The following ZNF704 variants were observed in gnomAD, a reference collection of about 807,000 sequenced individuals.
ZNF704 encodes the protein glucocorticoid induced gene 1.
A neutral mutation model predicts 44.7 loss-of-function variants in ZNF704; 10 were observed. The ratio of observed to expected loss-of-function variants is 0.22; its 90% confidence interval spans 0.14 to 0.38. ZNF704 has a LOEUF of 0.38. Ranked by LOEUF, ZNF704 falls within the 10% of genes least tolerant of loss-of-function variation. The pLI is 1.00. For synonymous variants in ZNF704, 211 were observed against 207.6 expected (o/e 1.02, Z -0.14); for missense variants, 390 against 545.5 (o/e 0.71, Z 2.84).
chr8:80,718,010 C>T (rs903756528), intron 2 of ZNF704, among the ~76,000 whole-genome samples: 3 of 152,188 alleles, frequency 2.0e-5, no homozygotes, highest in African/African-American at 7.2e-5. Context: ...AACGAATTCT[C>T]AAATGAACCC....
At chr8:80,712,185 C>T (rs1271728121) in intron 2 of ZNF704, among the ~76,000 whole-genome samples, 2 of 152,142 alleles carry the variant, frequency 1.3e-5, no homozygotes, top group Non-Finnish European at 2.9e-5. Flanking sequence ...AGGAAAAGGA[C>T]GAGTTTGGCC....
intron 2 of ZNF704, among the ~76,000 whole-genome samples, chr8:80,802,518 T>C (rs1259523029): frequency 1.3e-5 from 2 of 152,210 alleles, no homozygotes; most frequent in Non-Finnish European, 2.9e-5. Flanking sequence ...ATCTGCAGGA[T>C]GCAAGGTCGG....
At position 80,705,181 on chromosome 8, in the gene ZNF704, G is replaced by C. The variant is rs563157270; in HGVS notation, c.222-12074C>G. ...AGCGTTTACCCCTGAATTCTCAAGA[G>C]CTCCCTTCTGGGACTGCCACTGAGG... On this transcript the variant is annotated intron_variant, in intron 2 of 8. Coordinates refer to ENST00000327835, the MANE Select transcript of ZNF704 (RefSeq NM_001033723.3). Among the ~76,000 whole-genome samples, 13 of 152,286 alleles carry C rather than the reference G, an allele frequency of 8.5e-5. No homozygotes were observed. In the South Asian group the frequency reaches 2.7e-3, roughly 32 times the overall value.
rs144659656 is a variant in ZNF704, at chr8:80,647,028, T to C, written c.1033-3899A>G. 4.7e-3 allele frequency among the ~76,000 whole-genome samples: 719 copies of C among 152,328 alleles called. 7 individuals are homozygous for C. Among genetic ancestry groups the C allele is most frequent in the African/African-American group, 0.016 (670 of 41,562 alleles). ...TTTTGCATGAAGTGATATGAGATTA[T>C]TGGATACTCTTCATTCAACAGATAT... is the stretch of plus-strand genomic sequence containing the variant. On this transcript the variant is annotated intron_variant, in intron 7 of 8. Transcript: ENST00000327835.
intron 8 of ZNF704, among the ~76,000 whole-genome samples, chr8:80,642,415 A>C (rs1470927246): frequency 1.3e-5 from 2 of 152,242 alleles, no homozygotes; most frequent in Non-Finnish European, 2.9e-5. Flanking sequence ...ACACAAGTAC[A>C]GTTCGTTACA....
rs11992841 is a variant in ZNF704 at position 80,865,513 on chromosome 8, A to G, written c.-22+9058T>C. 3.8e-3 allele frequency among the ~76,000 whole-genome samples: 584 copies of G among 152,308 alleles called. 3 individuals carry two copies. Among genetic ancestry groups the G allele is most frequent in the African/African-American group, 0.013 (549 of 41,574 alleles). On this transcript the variant is annotated intron_variant, in intron 1 of 8. Coordinates refer to ENST00000327835, the MANE Select transcript of ZNF704 (RefSeq NM_001033723.3). ...ACAATGAGGGTCACATTTATGAACT[A>G]AAATTATCCTTTCTGCAGGTTTTAT...
Position 80,687,436 on chromosome 8 carries a change from C to A in ZNF704, c.348G>T (p.Lys116Asn). ...TGCTGGAAGGCACGCAGCCGCCCTC[C>A]TTCCAGGATCCGCTGAGGCTCTCTG... Reference protein sequence around the residue: ...RPNESLSGSWKEGGCVPSSTS... With the variant: ...RPNESLSGSWNEGGCVPSSTS... The change falls in exon 4 of 9, where the codon AAG becomes AAT. Residue 116 changes from lysine to asparagine, a missense_variant. Transcript: ENST00000327835. 1.3e-6 allele frequency: 2 copies of A among 1,580,662 alleles called. No individual in the cohort carries two copies. The highest frequency in any genetic ancestry group is 4.6e-5 in the East Asian group (2 of 43,690).
intron 4 of ZNF704, among the ~76,000 whole-genome samples, chr8:80,686,902 G>C (rs55878003): frequency 0.075 from 11,433 of 152,182 alleles, 614 homozygotes; most frequent in Non-Finnish European, 0.1. Flanking sequence ...CCCACGAAGA[G>C]AGCGAGTTCA....
intron 1 of ZNF704, among the ~76,000 whole-genome samples, chr8:80,824,529 A>G (rs1236314744): frequency 6.6e-6 from 1 of 152,252 alleles, no homozygotes; most frequent in African/African-American, 2.4e-5. Flanking sequence ...AACTTCCCCA[A>G]CCTAGCAAGG....
chr8:80,830,194 G>A (rs1808446374), intron 1 of ZNF704, among the ~76,000 whole-genome samples: 1 of 152,198 alleles, frequency 6.6e-6, no homozygotes, highest in Non-Finnish European at 1.5e-5. Context: ...GGTGGCTGGA[G>A]GGGATGATGG....
intron 2 of ZNF704, among the ~76,000 whole-genome samples, chr8:80,764,212 A>G (rs1807188682): frequency 1.3e-5 from 2 of 152,190 alleles, no homozygotes; most frequent in Non-Finnish European, 2.9e-5. Flanking sequence ...ACACTGCTAT[A>G]AAGAATCAGC....
chr8:80,871,962 ACACT>A (rs1362996628), intron 1 of ZNF704, among the ~76,000 whole-genome samples: 16 of 152,350 alleles, frequency 1.1e-4, no homozygotes, highest in African/African-American at 2.9e-4. Flanking sequence ...GTGAATTATC[ACACT>A]CATTATTCTG....
At chr8:80,876,186 C>T (rs77652705), upstream of ZNF704, among the ~76,000 whole-genome samples, 8,127 of 152,204 alleles carry the variant, frequency 0.053, 270 homozygotes, top group Non-Finnish European at 0.075. Context: ...TTTATGTTTC[C>T]GAAACCCCAT....
chr8:80,878,260 G>T (rs887184943), upstream of ZNF704, among the ~76,000 whole-genome samples: 1 of 45,280 alleles, frequency 2.2e-5, no homozygotes, highest in Non-Finnish European at 4.8e-5. Context: ...AAGAAAGGAA[G>T]GAAGGAAGGA....
chr8:80,829,746 A>T (rs916612088), intron 1 of ZNF704, among the ~76,000 whole-genome samples: 1 of 152,234 alleles, frequency 6.6e-6, no homozygotes, highest in African/African-American at 2.4e-5. Flanking sequence ...GCAAGCTATA[A>T]ATCTTCTATA....
chr8:80,861,030 A>T (rs549729589), intron 1 of ZNF704, among the ~76,000 whole-genome samples: 1 of 152,306 alleles, frequency 6.6e-6, no homozygotes, highest in South Asian at 2.1e-4. Context: ...TGTCCATCAA[A>T]TTCACTCAGG....
chr8:80,813,755 T>TGA (rs1808129729), intron 2 of ZNF704, among the ~76,000 whole-genome samples: 1 of 151,994 alleles, frequency 6.6e-6, no homozygotes, highest in Non-Finnish European at 1.5e-5. Flanking sequence ...GGTGGGCGCC[T>TGA]GTAGTCCCAG....
At chr8:80,742,686 AC>A (rs1301063432) in intron 2 of ZNF704, among the ~76,000 whole-genome samples, 1 of 152,134 alleles carries the variant, frequency 6.6e-6, no homozygotes, top group Non-Finnish European at 1.5e-5. Flanking sequence ...ACTAAGATCT[AC>A]CGAGGACCCC....
upstream of ZNF704, among the ~76,000 whole-genome samples, chr8:80,875,926 A>T (rs1292867451): frequency 6.6e-6 from 1 of 152,158 alleles, no homozygotes. Flanking sequence ...TGAAACTCTC[A>T]TTATAATCAT....
Sources: gnomAD v4.1 joint callset for allele counts (sites outside exome capture counted in the v4.1 genomes callset) on GRCh38, gnomAD v4.1.1 for gene constraint, MANE v1.5 for transcripts, NCBI Gene and HGNC (gene_info 2026-07-23, HGNC 2026-07-21) for gene names.